Variants in TPST1 observed in about 807,000 individuals in gnomAD.
TPST1 encodes tyrosylprotein sulfotransferase 1.
A neutral mutation model predicts 34.8 loss-of-function variants in TPST1; 20 were observed. The ratio of observed to expected loss-of-function variants is 0.57; its 90% CI spans 0.40 to 0.84. The LOEUF (loss-of-function observed/expected upper bound fraction) is 0.84, where lower values mean the gene tolerates loss of function less well. Ranked by LOEUF, TPST1 falls within the 40% of genes least tolerant of loss-of-function variation. TPST1 has a pLI of 0.00. For synonymous variants in TPST1, 152 were observed against 159.4 expected (o/e 0.95, Z 0.35); for missense variants, 353 against 455.5 (o/e 0.78, Z 2.05).
At chr7:66,349,402 C>G (rs935815059) in intron 3 of TPST1, among the ~76,000 whole-genome samples, 2 of 152,090 alleles carry the variant, frequency 1.3e-5, no homozygotes, top group Non-Finnish European at 2.9e-5. Context: ...GAAACCCTGT[C>G]TCTATTAAAA....
chr7:66,352,404 A>G, intron 3 of TPST1, 101 bp from the exon 4 acceptor site: 1 of 1,539,602 alleles, frequency 6.5e-7, no homozygotes, highest in Non-Finnish European at 8.7e-7. Flanking sequence ...ACTCACCAGC[A>G]GTGGAGCAGT....
chr7:66,298,476 A>G (rs564258218), intron 3 of TPST1, among the ~76,000 whole-genome samples: 2 of 152,318 alleles, frequency 1.3e-5, no homozygotes, highest in African/African-American at 4.8e-5. Flanking sequence ...TACTATATAC[A>G]TGGTATATTT....
intron 2 of TPST1, among the ~76,000 whole-genome samples, chr7:66,273,714 C>T (rs1259515066): frequency 1.3e-5 from 2 of 152,040 alleles, no homozygotes; most frequent in Non-Finnish European, 2.9e-5. Flanking sequence ...ACTGGATATC[C>T]ACATGAGAAG....
chr7:66,253,812 C>T (rs970103164), intron 2 of TPST1, among the ~76,000 whole-genome samples: 7 of 151,428 alleles, frequency 4.6e-5, no homozygotes, highest in African/African-American at 9.7e-5. Context: ...CTGAGGTGGG[C>T]GGATCACTTG....
chr7:66,334,635 C>A (rs914470943), intron 3 of TPST1, among the ~76,000 whole-genome samples: 326 of 112,692 alleles, frequency 2.9e-3, no homozygotes, highest in Middle Eastern at 4.8e-3. Context: ...GACTCCATCT[C>A]AAAAAAAAAA....
intron 2 of TPST1, among the ~76,000 whole-genome samples, chr7:66,256,254 T>A (rs1790381032): frequency 6.6e-6 from 1 of 152,264 alleles, no homozygotes; most frequent in African/African-American, 2.4e-5. Flanking sequence ...GTTAAAGAAT[T>A]TCTCTTCTAT....
intron 3 of TPST1, among the ~76,000 whole-genome samples, chr7:66,345,198 G>A (rs1792320858): frequency 2.0e-5 from 3 of 151,328 alleles, no homozygotes; most frequent in Admixed American, 2.0e-4. Context: ...AAGAAAACAA[G>A]CAAGATCAAT....
At chr7:66,349,345 C>A (rs563176811) in intron 3 of TPST1, among the ~76,000 whole-genome samples, 70 of 152,210 alleles carry the variant, frequency 4.6e-4, no homozygotes, top group African/African-American at 1.5e-3. Flanking sequence ...CCGAGGCAGG[C>A]GGATCACCTG....
chr7:66,259,699 C>A (rs10807701), intron 2 of TPST1, among the ~76,000 whole-genome samples: 136,447 of 152,192 alleles, frequency 0.9, 61,343 homozygotes, highest in African/African-American at 0.94. Flanking sequence ...TGCACTGCCT[C>A]CCCCAATATC....
intron 3 of TPST1, among the ~76,000 whole-genome samples, chr7:66,323,699 A>C (rs1002756299): frequency 1.3e-5 from 2 of 152,266 alleles, no homozygotes; most frequent in African/African-American, 4.8e-5. Flanking sequence ...AAAAATTTAC[A>C]TCACCCAATT....
chr7:66,214,168 C>G (rs1444101376), intron 1 of TPST1, among the ~76,000 whole-genome samples: 1 of 152,062 alleles, frequency 6.6e-6, no homozygotes, highest in Non-Finnish European at 1.5e-5. Flanking sequence ...ACTCCTTAGC[C>G]ATTATCCTCA....
At chr7:66,353,902 C>T (rs1792530657) in intron 4 of TPST1, among the ~76,000 whole-genome samples, 1 of 152,226 alleles carries the variant, frequency 6.6e-6, no homozygotes. Flanking sequence ...AGCCATGTCT[C>T]ACACCAGAGT....
chr7:66,242,215 GTTTT>G (rs925121207), intron 2 of TPST1, among the ~76,000 whole-genome samples: 2 of 150,522 alleles, frequency 1.3e-5, no homozygotes, highest in Non-Finnish European at 3.0e-5. Context: ...TTTTATTTTT[GTTTT>G]TTTTCTTTTA....
At chr7:66,321,522 A>G (rs1323628801) in intron 3 of TPST1, among the ~76,000 whole-genome samples, 1 of 152,256 alleles carries the variant, frequency 6.6e-6, no homozygotes, top group African/African-American at 2.4e-5. Flanking sequence ...GATAGGAGGC[A>G]GCCAATAGCC....
intron 3 of TPST1, among the ~76,000 whole-genome samples, chr7:66,323,364 T>A (rs1215507028): frequency 1.3e-5 from 2 of 150,388 alleles, no homozygotes; most frequent in Non-Finnish European, 3.0e-5. Context: ...TAAATAAACG[T>A]CCTTTATCAT....
intron 2 of TPST1, among the ~76,000 whole-genome samples, chr7:66,251,926 T>G (rs567471547): frequency 6.6e-6 from 1 of 152,286 alleles, no homozygotes; most frequent in Non-Finnish European, 1.5e-5. Context: ...TTTTTACTAT[T>G]GATGAACATT....
At chr7:66,354,455 A>C (rs1415506587) in intron 4 of TPST1, among the ~76,000 whole-genome samples, 1 of 150,690 alleles carries the variant, frequency 6.6e-6, no homozygotes, top group Non-Finnish European at 1.5e-5. Flanking sequence ...AAAATATAAA[A>C]TAATTAGCAA....
intron 5 of TPST1, 37 bp from the exon 6 acceptor site, chr7:66,359,858 T>G (rs770594390): frequency 4.4e-6 from 2 of 456,494 alleles, no homozygotes; most frequent in South Asian, 1.5e-5. Context: ...ACACCGGGAC[T>G]CCACACCTGT....
chr7:66,227,149 C>G (rs1388114240), intron 1 of TPST1, among the ~76,000 whole-genome samples: 1 of 138,712 alleles, frequency 7.2e-6, no homozygotes, highest in Non-Finnish European at 1.5e-5. Context: ...TTTTCTGCCT[C>G]AGCCTCCCGA....
Sources: allele counts gnomAD v4.1 joint callset (sites outside exome capture counted in the v4.1 genomes callset), GRCh38; gene constraint gnomAD v4.1.1; transcripts MANE v1.5; gene names NCBI Gene and HGNC (gene_info 2026-07-23, HGNC 2026-07-21).